Variants in ANKRD44 observed in about 807,000 individuals in gnomAD.
The protein encoded by ANKRD44 is serine/threonine-protein phosphatase 6 regulatory ankyrin repeat subunit B.
In ANKRD44, 35 loss-of-function variants were observed where a neutral mutation model predicts 116.0. That is an observed-to-expected ratio of 0.30 (90% confidence interval 0.23 to 0.40). ANKRD44 has a LOEUF of 0.40. Ranked by LOEUF, ANKRD44 falls within the 10% of genes least tolerant of loss-of-function variation. ANKRD44 has a pLI of 1.00. For synonymous variants in ANKRD44, 435 were observed against 461.8 expected (o/e 0.94, Z 0.74); for missense variants, 1,014 against 1,242.6 (o/e 0.82, Z 2.77).
chr2:197,229,948 A>G (rs1013354920), intron 1 of ANKRD44, among the ~76,000 whole-genome samples: 4 of 152,276 alleles, frequency 2.6e-5, no homozygotes, highest in South Asian at 4.1e-4. Flanking sequence ...TGAGCTAACC[A>G]TAAAACTGTC....
intron 4 of ANKRD44, chr2:197,135,106 C>T (rs1004915010): frequency 3.3e-5 from 5 of 152,084 alleles, no homozygotes; most frequent in African/African-American, 9.7e-5. Context: ...AATCACAAAG[C>T]GCAGCAAGAA....
chr2:197,258,325 GC>G (rs1204569160), intron 1 of ANKRD44, among the ~76,000 whole-genome samples: 3 of 122,092 alleles, frequency 2.5e-5, no homozygotes, highest in African/African-American at 9.9e-5. Flanking sequence ...GTTTCACCAT[GC>G]TGGCCAGGCT....
chr2:197,181,812 A>T (rs1231741959), intron 2 of ANKRD44, among the ~76,000 whole-genome samples: 8 of 152,220 alleles, frequency 5.3e-5, no homozygotes, highest in African/African-American at 1.9e-4. Context: ...TATTTTCTAT[A>T]GCTTACAACC....
intron 13 of ANKRD44, among the ~76,000 whole-genome samples, chr2:197,084,700 T>C (rs1174584839): frequency 6.6e-6 from 1 of 152,180 alleles, no homozygotes; most frequent in African/African-American, 2.4e-5. Context: ...ATTCTGTGTA[T>C]ATGTGTAAAT....
downstream of ANKRD44, among the ~76,000 whole-genome samples, chr2:196,982,108 T>TTATATATA (rs58816698): frequency 2.1e-5 from 2 of 96,552 alleles, no homozygotes; most frequent in South Asian, 3.8e-4. Flanking sequence ...CTAAAAAAAA[T>TTATATATA]TATATATATA....
downstream of ANKRD44, among the ~76,000 whole-genome samples, chr2:196,984,488 C>T (rs2075823567): frequency 6.6e-6 from 1 of 152,128 alleles, no homozygotes; most frequent in African/African-American, 2.4e-5. Flanking sequence ...ATGTTAATAG[C>T]CTTTTAGCTT....
At position 196,988,052 on chromosome 2, in the gene ANKRD44, C is replaced by T. The variant is rs1255630711; in HGVS notation, c.*1539G>A. 1 of 985,184 alleles carries T rather than the reference C, an allele frequency of 1.0e-6. No homozygotes were observed. The allele number at this position is 985,184 out of a possible 1,614,324, so 61.0% of individuals were successfully genotyped here. A position where few individuals can be genotyped will look rare whatever the true frequency, so the allele number is the denominator to read the frequency against. On this transcript the variant is annotated 3_prime_UTR_variant, in exon 28 of 28. Transcript: ENST00000282272. ...GCATGATTTCATTTCGTTCCTTTGT[C>T]CTCCTTCTATGAGTAAGAGAGTGGG...
At chr2:197,303,656 C>A (rs187288988) in intron 1 of ANKRD44, among the ~76,000 whole-genome samples, 3 of 152,160 alleles carry the variant, frequency 2.0e-5, no homozygotes, top group Non-Finnish European at 2.9e-5. Context: ...TTAAGACTCC[C>A]CAGGATGGGA....
chr2:197,176,950 A>G (rs149186013), intron 2 of ANKRD44, among the ~76,000 whole-genome samples: 4 of 152,286 alleles, frequency 2.6e-5, no homozygotes, highest in African/African-American at 9.6e-5. Flanking sequence ...TACATCTACA[A>G]ACTTACAGTT....
intron 16 of ANKRD44, among the ~76,000 whole-genome samples, chr2:197,057,024 T>C (rs908800143): frequency 2.6e-5 from 4 of 152,226 alleles, no homozygotes; most frequent in African/African-American, 9.6e-5. Context: ...CAGCTAGGAC[T>C]CTCAGTCCAA....
chr2:197,240,647 G>C (rs1004296523), intron 1 of ANKRD44, among the ~76,000 whole-genome samples: 1 of 150,472 alleles, frequency 6.6e-6, no homozygotes, highest in Non-Finnish European at 1.5e-5. Context: ...GACAATGTTG[G>C]TGCCCAGTTT....
At chr2:197,202,193 A>C (rs2081106950) in intron 1 of ANKRD44, among the ~76,000 whole-genome samples, 2 of 152,188 alleles carry the variant, frequency 1.3e-5, no homozygotes, top group African/African-American at 4.8e-5. Flanking sequence ...AATTGTGACC[A>C]ATCAAAAATG....
Position 196,994,086 on chromosome 2 carries a change from C to CT in ANKRD44, c.2832-413dup, listed in dbSNP as rs2075968515. Among the ~76,000 whole-genome samples the CT allele has an allele frequency of 5.9e-5, 9 of 152,302 alleles. No homozygotes were observed. In the South Asian group the frequency reaches 1.9e-3, roughly 32 times the overall value. ...ATATATATGTATAATTTCAAACTTC[C>CT]TTGTTACTACTAAATGCACACAGAT... On this transcript the variant is annotated intron_variant, in intron 26 of 27. Coordinates refer to ENST00000282272, the MANE Select transcript of ANKRD44 (RefSeq NM_001195144.2).
intron 2 of ANKRD44, 29 bp downstream of exon 2, chr2:197,186,994 C>T (rs1310376514): frequency 6.2e-7 from 1 of 1,603,764 alleles, no homozygotes; most frequent in Non-Finnish European, 8.5e-7. Context: ...CTAACAGGGC[C>T]TGAGTAGCAA....
At chr2:197,223,940 C>T (rs1049404001) in intron 1 of ANKRD44, among the ~76,000 whole-genome samples, 6 of 151,922 alleles carry the variant, frequency 3.9e-5, no homozygotes, top group African/African-American at 7.3e-5. Flanking sequence ...AATAAAAAGA[C>T]GATTCCACGA....
chr2:196,981,005 A>C (rs1011935600), intron 21 of ANKRD44, among the ~76,000 whole-genome samples: 1 of 150,038 alleles, frequency 6.7e-6, no homozygotes, highest in Non-Finnish European at 1.5e-5. Context: ...CTTCACATCC[A>C]ATGCTTTTTT....
chr2:196,992,315 G>C (rs1213056871), intron 27 of ANKRD44, among the ~76,000 whole-genome samples: 1 of 152,128 alleles, frequency 6.6e-6, no homozygotes, highest in Non-Finnish European at 1.5e-5. Context: ...AAACAAATAA[G>C]AATGAACAGG....
At chr2:197,137,869 A>T (rs1191044646) in intron 3 of ANKRD44, among the ~76,000 whole-genome samples, 1 of 152,178 alleles carries the variant, frequency 6.6e-6, no homozygotes, top group East Asian at 1.9e-4. Context: ...TGCCTGAAGG[A>T]GTTCAAGCTC....
intron 8 of ANKRD44, among the ~76,000 whole-genome samples, chr2:197,114,425 T>C (rs2078661607): frequency 6.6e-6 from 1 of 152,144 alleles, no homozygotes; most frequent in Non-Finnish European, 1.5e-5. Flanking sequence ...AAAGGAAAAA[T>C]ACTGAGGATT....
Sources: gnomAD v4.1 joint callset for allele counts (sites outside exome capture counted in the v4.1 genomes callset) on GRCh38, gnomAD v4.1.1 for gene constraint, MANE v1.5 for transcripts, NCBI Gene and HGNC (gene_info 2026-07-23, HGNC 2026-07-21) for gene names.